CABIN1: variants seen among roughly 807,000 people sequenced by gnomAD.
The protein encoded by CABIN1 is calcineurin binding protein 1.
Under a neutral mutation model 227.7 loss-of-function variants are expected in CABIN1, and 133 were observed. The observed-to-expected ratio is 0.58, with a 90% CI of 0.51 to 0.67. The LOEUF is 0.67. Among genes scored for constraint, CABIN1 ranks in the 30% least tolerant of loss-of-function variants. CABIN1 has a pLI of 0.00. For synonymous variants in CABIN1, 1,086 were observed against 1,155.1 expected, an observed-to-expected ratio of 0.94 and a Z score of 1.21; for missense variants, 2,408 against 2,852.5, an observed-to-expected ratio of 0.84 and a Z score of 3.55.
chr22:24,067,537 G>A (rs1263486473), intron 16 of CABIN1, among the ~76,000 whole-genome samples: 1 of 152,178 alleles, frequency 6.6e-6, no homozygotes, highest in African/African-American at 2.4e-5. Context: ...AAATATAAAA[G>A]TGGCTAAAAT....
intron 29 of CABIN1, among the ~76,000 whole-genome samples, chr22:24,163,844 T>G (rs1380421913): frequency 1.3e-5 from 2 of 152,182 alleles, no homozygotes; most frequent in Non-Finnish European, 2.9e-5. Flanking sequence ...TTTGCCCTGG[T>G]TAAGCCTTCA....
At position 24,098,164 on chromosome 22, in the gene CABIN1, A is replaced by C. The variant is rs1283436504; in HGVS notation, c.4089A>C (p.Lys1363Asn). The change falls in exon 26 of 37, where the codon AAA becomes AAC. Residue 1363 changes from lysine to asparagine, a missense_variant. Around this residue, in one of 3 missense-constraint regions of CABIN1, gnomAD observed 649 missense variants for 910.3 expected, o/e 0.71. Transcript: ENST00000263119. ...TPIDHDYVKC[K>N]KPHQQATPDD... ...TTGACCACGATTACGTCAAATGTAA[A>C]AAACCCCACCAGCAGGCAACGCCGG... 1 of 1,614,152 alleles carries C rather than the reference A, an allele frequency of 6.2e-7. No homozygotes were observed. The highest frequency in any genetic ancestry group is 1.1e-5 in the South Asian group (1 of 91,076).
rs1356676778 is a variant in CABIN1, at chr22:24,178,103, A to G, written c.6570A>G (p.Leu2190=). The G allele has an allele frequency of 1.2e-6, 2 of 1,613,782 alleles. No individual in the cohort carries two copies. The highest frequency in any genetic ancestry group is 1.7e-6 in the Non-Finnish European group (2 of 1,179,964). ...QSAANVRKES[L]CQPALEVLET... Reference sequence around the variant, plus strand: ...CTGCCAACGTGAGGAAGGAGAGCCTATGCCAGCCAGCCCTGGAGGTCCTGG... The same window carrying G: ...CTGCCAACGTGAGGAAGGAGAGCCTGTGCCAGCCAGCCCTGGAGGTCCTGG... The change falls in exon 37 of 37, where the codon CTA becomes CTG. Residue 2190 remains leucine (L), a synonymous_variant. Transcript: ENST00000263119.
At chr22:24,060,556 G>A (rs1265802164) in intron 12 of CABIN1, among the ~76,000 whole-genome samples, 1 of 152,176 alleles carries the variant, frequency 6.6e-6, no homozygotes, top group Non-Finnish European at 1.5e-5. Flanking sequence ...GCCAGGAGAA[G>A]CTGGAGGAAA....
chr22:24,034,797 T>A (rs904190891), intron 1 of CABIN1, among the ~76,000 whole-genome samples: 1 of 152,242 alleles, frequency 6.6e-6, no homozygotes, highest in African/African-American at 2.4e-5. Context: ...CTAGTCTGCC[T>A]ATCTCTAATT....
At chr22:24,033,920 T>G (rs1377935250) in intron 1 of CABIN1, among the ~76,000 whole-genome samples, 1 of 152,176 alleles carries the variant, frequency 6.6e-6, no homozygotes, top group Non-Finnish European at 1.5e-5. Flanking sequence ...CCAGTTGTCC[T>G]TCTCTCCAAG....
At chr22:24,157,337 AG>A (rs2045892884) in intron 29 of CABIN1, among the ~76,000 whole-genome samples, 2 of 152,134 alleles carry the variant, frequency 1.3e-5, no homozygotes, top group Non-Finnish European at 2.9e-5. Context: ...CTGCCTCTAA[AG>A]GCTTCGGGAC....
chr22:24,134,405 A>G lies in CABIN1; in HGVS notation c.4736A>G (p.Asn1579Ser), dbSNP rs2044265551. The G allele has an allele frequency of 1.9e-6, 3 of 1,613,070 alleles. No homozygotes were observed. Among genetic ancestry groups the G allele is most frequent in the Admixed American group, 1.7e-5 (1 of 59,994 alleles). The change falls in exon 29 of 37, where the codon AAT (asparagine) becomes AGT (serine). Residue 1579 changes from asparagine to serine, a missense_variant. By Grantham distance (46) the Asn-to-Ser change is conservative. Around this residue, in one of 3 missense-constraint regions of CABIN1, gnomAD observed 649 missense variants for 910.3 expected, o/e 0.71. Coordinates refer to ENST00000263119, the MANE Select transcript of CABIN1 (RefSeq NM_012295.4). ...CTCTTCTGCGAGAGGAACAAGACCA[A>G]TTTCTTCAACGTGAGTACTTTGCCT... ...QGLFCERNKT[N>S]FFNGIWRIPV... is the part of the protein sequence containing the mutation.
At position 24,171,998 on chromosome 22, in the gene CABIN1, G is replaced by A. The variant is rs1483027588; in HGVS notation, c.6040+3G>A. On this transcript the variant is annotated splice_donor_region_variant and intron_variant, in intron 34 of 36. Transcript: ENST00000263119. ...CAGCATGGCCTCTCTGGGCCCAGGT[G>A]AGTCCCATCCCAGTCCAGAGCTGGG... 6.2e-7 allele frequency: 1 copy of A among 1,608,924 alleles called. No homozygotes were observed. Among genetic ancestry groups the A allele is most frequent in the Non-Finnish European group, 8.5e-7 (1 of 1,179,518 alleles).
intron 17 of CABIN1, among the ~76,000 whole-genome samples, chr22:24,071,670 C>T (rs1239958197): frequency 6.6e-6 from 1 of 152,150 alleles, no homozygotes; most frequent in African/African-American, 2.4e-5. Context: ...CCGCTCCAGC[C>T]GCTTTCCAGC....
chr22:24,035,368 T>G (rs2036789288), intron 1 of CABIN1, 76 bp from the exon 2 acceptor site: 1 of 980,598 alleles, frequency 1.0e-6, no homozygotes, highest in Non-Finnish European at 1.6e-6. Context: ...AAGGACTGGT[T>G]CCTGGTGGAC....
chr22:24,172,640 T>C (rs977687872), intron 34 of CABIN1, among the ~76,000 whole-genome samples: 6 of 152,226 alleles, frequency 3.9e-5, no homozygotes, highest in Non-Finnish European at 5.9e-5. Context: ...TGAAAGCTCC[T>C]GTTCCTTCTA....
At chr22:24,066,216 A>G (rs943626521) in intron 15 of CABIN1, among the ~76,000 whole-genome samples, 1 of 152,228 alleles carries the variant, frequency 6.6e-6, no homozygotes, top group Non-Finnish European at 1.5e-5. Context: ...AGGCTGCTGT[A>G]GTACACTGGG....
rs2147913771 is a variant in CABIN1 at position 24,119,518 on chromosome 22, G to A, written c.4452G>A (p.Gly1484=). ...CCCTGTGGGATGGGAAGAAGAGAGG[G>A]GACCTCCCAGGGGAGCCAGTGGCCT... ...TPTLWDGKKR[G]DLPGEPVAFP... is the part of the protein sequence containing the mutation. Residue 1484 remains glycine, a synonymous_variant, in exon 28 of 37, where the codon GGG becomes GGA. Transcript: ENST00000263119. 6.2e-7 allele frequency: 1 copy of A among 1,613,950 alleles called. No homozygotes were observed. Among genetic ancestry groups the A allele is most frequent in the East Asian group, 2.2e-5 (1 of 44,886 alleles).
In CABIN1 at chr22:24,071,119, A is replaced by G. The variant is rs2040054715; in HGVS notation, c.2475+77A>G. ...TGACATCCTGCTTCTTCAGTAGTTC[A>G]TAGCTTTCATTGCTAATTAGGCACC... On this transcript the variant is annotated intron_variant, in intron 17 of 36. Transcript: ENST00000263119. 2.1e-5 allele frequency: 33 copies of G among 1,593,142 alleles called. No individual in the cohort carries two copies. In the East Asian group the frequency reaches 7.4e-4, roughly 36 times the overall value.
chr22:24,109,363 G>A (rs1163683541), intron 26 of CABIN1, among the ~76,000 whole-genome samples: 2 of 150,576 alleles, frequency 1.3e-5, no homozygotes, highest in African/African-American at 4.9e-5. Flanking sequence ...TAACTGCCAC[G>A]CCTGCCTAAT....
chr22:24,095,786 G>T, intron 24 of CABIN1, 145 bp from the exon 25 acceptor site: 2 of 839,978 alleles, frequency 2.4e-6, no homozygotes, highest in Non-Finnish European at 4.1e-6. Flanking sequence ...TTGTAGGATG[G>T]TTGGTTTAAA....
At chr22:24,087,847 C>G (rs908167601) in intron 23 of CABIN1, 134 bp downstream of exon 23, 25 of 1,182,306 alleles carry the variant, frequency 2.1e-5, no homozygotes, top group Admixed American at 4.0e-5. Context: ...TGACGAATCT[C>G]CCCATGAGGC....
intron 19 of CABIN1, among the ~76,000 whole-genome samples, chr22:24,082,723 A>G (rs2040888586): frequency 6.6e-6 from 1 of 152,154 alleles, no homozygotes; most frequent in African/African-American, 2.4e-5. Flanking sequence ...ATCCTCATTT[A>G]TGTTTTGTCT....
Sources: gnomAD v4.1 joint callset for allele counts (sites outside exome capture counted in the v4.1 genomes callset) on GRCh38, gnomAD v4.1.1 for gene constraint, gnomAD v4.1.1 regional missense constraint, MANE v1.5 for transcripts, NCBI Gene and HGNC (gene_info 2026-07-23, HGNC 2026-07-21) for gene names.